The following TRPV4 variants were observed in gnomAD, a reference collection of about 807,000 sequenced individuals.
TRPV4 encodes the protein transient receptor potential cation channel subfamily V member 4.
TRPV4 carries 58 observed loss-of-function variants against 84.1 expected under a neutral mutation model. The ratio of observed to expected loss-of-function variants is 0.69; its 90% CI spans 0.56 to 0.86. TRPV4 has a LOEUF of 0.86. Ranked by LOEUF, TRPV4 falls within the 40% of genes least tolerant of loss-of-function variation. The pLI is 0.00. For missense variants in TRPV4, 879 were observed against 1,181.1 expected (o/e 0.74, Z 3.75); for synonymous variants, 489 against 500.9 (o/e 0.98, Z 0.32).
At chr12:109,809,894 TACC>T in intron 2 of TRPV4, among the ~76,000 whole-genome samples, 1 of 152,258 alleles carries the variant, frequency 6.6e-6, no homozygotes, top group East Asian at 1.9e-4. Context: ...TGCTCATATG[TACC>T]TGCCCATGGC....
At chr12:109,811,361 C>A (rs1395124303) in intron 2 of TRPV4, among the ~76,000 whole-genome samples, 3 of 152,178 alleles carry the variant, frequency 2.0e-5, no homozygotes, top group Admixed American at 2.0e-4. Context: ...AGTGGGCACC[C>A]AAGAAACATC....
At chr12:109,819,310 C>T (rs1183002900) in intron 1 of TRPV4, among the ~76,000 whole-genome samples, 3 of 152,200 alleles carry the variant, frequency 2.0e-5, no homozygotes, top group South Asian at 2.1e-4. Context: ...GTCTCCTCTG[C>T]GTGTGACTGT....
At chr12:109,832,680 CAGAG>C (rs1345020813) in intron 1 of TRPV4, 1 of 153,310 alleles carries the variant, frequency 6.5e-6, no homozygotes, top group Non-Finnish European at 1.5e-5. Flanking sequence ...AGAGGACAGA[CAGAG>C]GGAACAGCTG....
intron 3 of TRPV4, among the ~76,000 whole-genome samples, chr12:109,806,418 T>TG (rs1216186709): frequency 6.7e-6 from 1 of 148,452 alleles, no homozygotes; most frequent in Admixed American, 6.8e-5. Flanking sequence ...TTGGCAAGGC[T>TG]GGTCTCAAAC....
chr12:109,799,047 T>A lies in TRPV4; in HGVS notation c.854-135A>T, dbSNP rs1471135753. On this transcript the variant is annotated intron_variant, in intron 5 of 15. Transcript: ENST00000261740. ...GACAGCACCAGCAGTGGATATGAAC[T>A]GCACGTTTCTCTGGGTGATGCCAGG... The A allele has an allele frequency of 5.9e-6, 5 of 842,568 alleles. No individual in the cohort carries two copies. The Admixed American group carries it at 1.0e-4, about 17-fold the overall frequency. 52.2% of individuals were successfully genotyped at this position (842,568 alleles called of 1,614,324 possible).
Position 109,814,528 on chromosome 12 carries a change from A to G in TRPV4, c.269T>C (p.Leu90Pro). The G allele has an allele frequency of 6.2e-7, 1 of 1,614,140 alleles. No individual in the cohort carries two copies. The highest frequency in any genetic ancestry group is 8.5e-7 in the Non-Finnish European group (1 of 1,180,008). Reference protein sequence around the residue: ...PNPIDLLESTLYESSVVPGPK... With the variant: ...PNPIDLLESTPYESSVVPGPK... Reference sequence around the variant, plus strand: ...CCCAGGCACCACCGAGGACTCATATAGGGTGGACTCCAGCAGATCGATGGG... The same window carrying G: ...CCCAGGCACCACCGAGGACTCATATGGGGTGGACTCCAGCAGATCGATGGG... The change falls in exon 2 of 16, where the codon CTA becomes CCA. Residue 90 changes from leucine (L) to proline (P), a missense_variant. Physicochemically the swap from Leu to Pro is moderately conservative, Grantham distance 98. Transcript: ENST00000261740. The surrounding 1 kb of genome is among the most constrained non-coding windows in gnomAD (Gnocchi z 5.4).
chr12:109,832,304 G>T (rs1027310798), intron 1 of TRPV4: 1 of 152,384 alleles, frequency 6.6e-6, no homozygotes, highest in Non-Finnish European at 1.5e-5. Flanking sequence ...GGAGCCCGGG[G>T]AGTCCCGACT....
rs1037428349 is a variant in TRPV4, at chr12:109,791,730, C to T, written c.1891+633G>A. Reference sequence around the variant, plus strand: ...AACTCCTGACCTCAAGTGATCTACCCGCCTCAGCCTCCTGAAGTGCTGGGA... The same window carrying T: ...AACTCCTGACCTCAAGTGATCTACCTGCCTCAGCCTCCTGAAGTGCTGGGA... On this transcript the variant is annotated intron_variant, in intron 12 of 15. Transcript: ENST00000261740. 1.1e-3 allele frequency among the ~76,000 whole-genome samples: 161 copies of T among 151,782 alleles called. 1 individual carries two copies. Among genetic ancestry groups the T allele is most frequent in the African/African-American group, 3.6e-3 (148 of 41,444 alleles).
chr12:109,826,820 G>A (rs1299176151), intron 1 of TRPV4, among the ~76,000 whole-genome samples: 1 of 152,146 alleles, frequency 6.6e-6, no homozygotes, highest in Non-Finnish European at 1.5e-5. Flanking sequence ...CTGTAAAAGG[G>A]AGCTCATCAC....
chr12:109,832,501 C>T, intron 1 of TRPV4: 1 of 152,434 alleles, frequency 6.6e-6, no homozygotes, highest in Non-Finnish European at 1.5e-5. Context: ...CACCTCTGCC[C>T]TGCCACTTCC....
chr12:109,788,058 C>T (rs555976215), intron 13 of TRPV4, among the ~76,000 whole-genome samples: 14 of 152,352 alleles, frequency 9.2e-5, no homozygotes, highest in Middle Eastern at 3.4e-3. Flanking sequence ...CTGGGCTCAG[C>T]GTGGGACCCC....
chr12:109,805,393 GGGAGA>G (rs1891055744), intron 3 of TRPV4, among the ~76,000 whole-genome samples: 2 of 152,184 alleles, frequency 1.3e-5, no homozygotes, highest in East Asian at 3.9e-4. Flanking sequence ...CCTGGGTCCT[GGGAGA>G]AGATGTCAGG....
intron 12 of TRPV4, among the ~76,000 whole-genome samples, chr12:109,791,714 C>T (rs1890043240): frequency 6.6e-6 from 1 of 151,450 alleles, no homozygotes; most frequent in Admixed American, 6.6e-5. Flanking sequence ...AAACTCCTGA[C>T]CTCAAGTGAT....
At position 109,783,576 on chromosome 12, in the gene TRPV4, G is replaced by A. The variant is rs763368707; in HGVS notation, c.*45C>T. The A allele has an allele frequency of 6.3e-6, 10 of 1,598,310 alleles. No individual in the cohort carries two copies. The South Asian group carries it at 1.0e-4, about 16-fold the overall frequency. On this transcript the variant is annotated 3_prime_UTR_variant, in exon 16 of 16. Transcript: ENST00000261740. The surrounding 1 kb of genome is among the most constrained non-coding windows in gnomAD (Gnocchi z 4.6). ...AGAAGGCACTGCTGAAATGCGGCTG[G>A]ACTAGAAATGAGTGGGCAGAGAAGC...
In TRPV4 at chr12:109,824,691, G is replaced by A. The variant is rs575336166; in HGVS notation, c.-32+8659C>T. Among the ~76,000 whole-genome samples the A allele has an allele frequency of 2.9e-3, 440 of 152,254 alleles. 3 individuals are homozygous for A. The highest frequency in any genetic ancestry group is 0.01 in the African/African-American group (422 of 41,540). ...GAATCTCTTGAACCCAGGAGGCAGA[G>A]ATTGCAGTGAGCAGAGATAGCACCA... On this transcript the variant is annotated intron_variant, in intron 1 of 15. Transcript: ENST00000261740.
intron 13 of TRPV4, 132 bp downstream of exon 13, chr12:109,788,268 G>A (rs867368228): frequency 6.0e-5 from 55 of 909,372 alleles, no homozygotes; most frequent in Middle Eastern, 3.3e-4. Flanking sequence ...CCATTTTACC[G>A]ACAGAGAAGT....
intron 1 of TRPV4, among the ~76,000 whole-genome samples, chr12:109,827,596 T>C (rs1206168885): frequency 2.6e-5 from 4 of 151,276 alleles, no homozygotes; most frequent in Admixed American, 2.6e-4. Context: ...ATATACACAT[T>C]ACACACATAT....
chr12:109,803,890 T>C (rs912373708), intron 3 of TRPV4, among the ~76,000 whole-genome samples: 2 of 152,210 alleles, frequency 1.3e-5, no homozygotes, highest in Non-Finnish European at 2.9e-5. Flanking sequence ...ACTGTGAACC[T>C]GTAAAAGCAA....
At chr12:109,823,960 T>C (rs865854633) in intron 1 of TRPV4, among the ~76,000 whole-genome samples, 34 of 151,338 alleles carry the variant, frequency 2.2e-4, no homozygotes, top group Admixed American at 9.2e-4. Context: ...TGTGTGTGTG[T>C]GCGCATGTGT....
Sources: gnomAD v4.1 joint callset for allele counts (sites outside exome capture counted in the v4.1 genomes callset) on GRCh38, gnomAD v4.1.1 for gene constraint, Gnocchi (gnomAD v3.1) non-coding constraint, MANE v1.5 for transcripts, NCBI Gene and HGNC (gene_info 2026-07-23, HGNC 2026-07-21) for gene names.